The following GLB1L variants were observed in gnomAD, a reference collection of about 807,000 sequenced individuals.
GLB1L encodes beta-galactosidase-1-like protein.
GLB1L carries 58 observed loss-of-function variants against 75.7 expected under a neutral mutation model. That is an observed-to-expected ratio of 0.77 (90% CI 0.62 to 0.95). The LOEUF is 0.95. GLB1L is among the 40% of genes least tolerant of loss of function. The pLI, the probability that GLB1L is intolerant of heterozygous loss-of-function variation, is 0.00. For synonymous variants in GLB1L, 296 were observed against 303.0 expected, an observed-to-expected ratio of 0.98 and a Z score of 0.24; for missense variants, 797 against 805.5, an observed-to-expected ratio of 0.99 and a Z score of 0.13.
chr2:219,242,281 G>A lies in GLB1L; in HGVS notation c.451+233C>T, dbSNP rs533599347. 4.6e-5 allele frequency among the ~76,000 whole-genome samples: 5 copies of A among 107,808 alleles called. No individual in the cohort carries two copies. In the South Asian group the frequency reaches 1.6e-3, roughly 35 times the overall value. 70.7% of individuals were successfully genotyped at this position (107,808 alleles called of 152,430 possible). ...TGGGATCACAGGCATGAGCCACCGCGCCCAGCTGTTTTTTTTTTTTTTAAT... is the reference window on the plus strand; with the variant it reads ...TGGGATCACAGGCATGAGCCACCGCACCCAGCTGTTTTTTTTTTTTTTAAT... On this transcript the variant is annotated intron_variant, in intron 5 of 16. Transcript: ENST00000295759.
chr2:219,243,126 G>T, intron 3 of GLB1L, 22 bp downstream of exon 3: 2 of 1,583,080 alleles, frequency 1.3e-6, no homozygotes, highest in Non-Finnish European at 8.6e-7. Context: ...ATCCCTCCGC[G>T]GCTCTTGCGA....
chr2:219,238,033 G>A (rs1951293607), intron 14 of GLB1L, 76 bp from the exon 15 acceptor site: 4 of 1,455,836 alleles, frequency 2.7e-6, no homozygotes, highest in Admixed American at 1.8e-5. Context: ...CACACATTAG[G>A]ATACTTATTT....
Position 219,239,108 on chromosome 2 carries a change from C to T in GLB1L, c.1046G>A (p.Arg349Gln), listed in dbSNP as rs755869238. 18 of 1,610,402 alleles carry T rather than the reference C, an allele frequency of 1.1e-5. No homozygotes were observed. Among genetic ancestry groups the T allele is most frequent in the South Asian group, 4.4e-5 (4 of 90,970 alleles). ...GDPTPKLFAL[R>Q]DVISKFQEVP... ...GTAGGGTACCTTGCTGATGACATCTCGAAGAGCAAAAAGCTTAGGTGTGGG... is the reference window on the plus strand; with the variant it reads ...GTAGGGTACCTTGCTGATGACATCTTGAAGAGCAAAAAGCTTAGGTGTGGG... The change falls in exon 11 of 17, where the codon CGA becomes CAA. Residue 349 changes from arginine (R) to glutamine (Q), a missense_variant. By Grantham distance (43) the Arg-to-Gln change is conservative (BLOSUM62 1). Coordinates refer to ENST00000295759, the MANE Select transcript of GLB1L (RefSeq NM_001286423.2).
rs757615436 is a variant in GLB1L at position 219,237,054 on chromosome 2, C to T, written c.*18G>A. 43 of 1,576,830 alleles carry T rather than the reference C, an allele frequency of 2.7e-5. 1 individual carries two copies. The Admixed American group carries it at 5.7e-4, about 21-fold the overall frequency. ...GTGCTGGGATTACAGGCATGAGCCACCATGCCCGGCCTACCTTTCAGTGCC... is the reference window on the plus strand; with the variant it reads ...GTGCTGGGATTACAGGCATGAGCCATCATGCCCGGCCTACCTTTCAGTGCC... On this transcript the variant is annotated 3_prime_UTR_variant, in exon 17 of 17. Coordinates refer to ENST00000295759, the MANE Select transcript of GLB1L (RefSeq NM_001286423.2).
intron 1 of GLB1L, 193 bp from the exon 2 acceptor site, chr2:219,243,836 A>G (rs959635079): frequency 2.3e-6 from 1 of 435,596 alleles, no homozygotes; most frequent in African/African-American, 2.0e-5. Flanking sequence ...GCTGGGCACG[A>G]TGGCTCACGC....
intron 8 of GLB1L, 22 bp from the exon 9 acceptor site, chr2:219,239,704 G>A: frequency 6.2e-7 from 1 of 1,614,226 alleles, no homozygotes; most frequent in Middle Eastern, 1.6e-4. Flanking sequence ...AATGAAAGGA[G>A]TGTGAGTGAG....
Position 219,238,601 on chromosome 2 carries a change from G to A in GLB1L, c.1138-17C>T. On this transcript the variant is annotated splice_polypyrimidine_tract_variant and intron_variant, in intron 12 of 16. Coordinates refer to ENST00000295759, the MANE Select transcript of GLB1L (RefSeq NM_001286423.2). ...ATGCCCAACCTATTAGAATAAGGGA[G>A]AAGAATTAGAATATCAGGGAAGTTT... 5.6e-6 allele frequency: 9 copies of A among 1,608,192 alleles called. No homozygotes were observed. The highest frequency in any genetic ancestry group is 7.7e-6 in the Non-Finnish European group (9 of 1,175,144).
intron 16 of GLB1L, 26 bp from the exon 17 acceptor site, chr2:219,237,373 G>A (rs1269968629): frequency 2.5e-6 from 4 of 1,607,538 alleles, no homozygotes; most frequent in Non-Finnish European, 3.4e-6. Flanking sequence ...CAGGAAAGAG[G>A]GGAAAAGAAA....
intron 5 of GLB1L, among the ~76,000 whole-genome samples, chr2:219,241,465 T>TATATATATATACAC (rs1457421471): frequency 5.1e-5 from 7 of 136,514 alleles, no homozygotes; most frequent in Admixed American, 3.3e-4. Context: ...TATATATATA[T>TATATATATATACAC]ACATACATAT....
rs1387423574 is a variant in GLB1L, at chr2:219,239,702, G to C, written c.781-20C>G. The C allele has an allele frequency of 6.2e-7, 1 of 1,614,176 alleles. No homozygotes were observed. Reference sequence around the variant, plus strand: ...GTTTACCTAGAGTGTGAAATGAAAGGAGTGTGAGTGAGATGGAACTGAGCT... The same window carrying C: ...GTTTACCTAGAGTGTGAAATGAAAGCAGTGTGAGTGAGATGGAACTGAGCT... On this transcript the variant is annotated intron_variant, in intron 8 of 16. Coordinates refer to ENST00000295759, the MANE Select transcript of GLB1L (RefSeq NM_001286423.2).
At chr2:219,241,322 T>A (rs1436356389) in intron 5 of GLB1L, among the ~76,000 whole-genome samples, 12 of 150,936 alleles carry the variant, frequency 8.0e-5, no homozygotes, top group Admixed American at 7.9e-4. Context: ...GAGCTTGCAG[T>A]GAGCCGAGAT....
rs371604763 is a variant in GLB1L at position 219,242,476 on chromosome 2, T to C, written c.451+38A>G. 143 of 1,499,084 alleles carry C rather than the reference T, an allele frequency of 9.5e-5. 1 individual carries two copies. The African/African-American group carries it at 1.5e-3, about 16-fold the overall frequency. The allele number at this position is 1,499,084 out of a possible 1,614,324, so 92.9% of individuals were successfully genotyped here. On this transcript the variant is annotated intron_variant, in intron 5 of 16. Transcript: ENST00000295759. ...TTGGCACCCAAATAGCCCATTTTAC[T>C]TACTTGCTTCTGTGTTAAATCCTTT...
rs1434066360 is a variant in GLB1L, at chr2:219,241,436, GTGTGTGTA to G, written c.451+1070_451+1077del. 2.0e-4 allele frequency among the ~76,000 whole-genome samples: 17 copies of G among 84,314 alleles called. No individual in the cohort carries two copies. The South Asian group carries it at 3.4e-3, about 17-fold the overall frequency. 55.3% of individuals were successfully genotyped at this position (84,314 alleles called of 152,430 possible). ...TATGTGTGTGTGTGTGTGTGTGTGT[GTGTGTGTA>G]TATATATATATATATATATATACAT... On this transcript the variant is annotated intron_variant, in intron 5 of 16. Coordinates refer to ENST00000295759, the MANE Select transcript of GLB1L (RefSeq NM_001286423.2).
At position 219,237,958 on chromosome 2, in the gene GLB1L, C is replaced by T. The variant is rs1383035082; in HGVS notation, c.1342-1G>A. The T allele has an allele frequency of 6.2e-7, 1 of 1,614,094 alleles. No homozygotes were observed. The highest frequency in any genetic ancestry group is 2.2e-5 in the East Asian group (1 of 44,884). On this transcript the variant is annotated splice_acceptor_variant, in intron 14 of 16. Coordinates refer to ENST00000295759, the MANE Select transcript of GLB1L (RefSeq NM_001286423.2). LOFTEE classifies it high-confidence loss of function. Reference sequence around the variant, plus strand: ...TTCGCTCCACAACACCCTGGAACACCTGTGGATAGGAGATAGGATAGGAGC... The same window carrying T: ...TTCGCTCCACAACACCCTGGAACACTTGTGGATAGGAGATAGGATAGGAGC...
Position 219,238,376 on chromosome 2 carries a change from G to A in GLB1L, c.1228-13C>T, listed in dbSNP as rs777426165. ...TGAAGCCATGGTCCTGGGTATGGAA[G>A]AATGAGTACTTCAGACAAACAGAAA... On this transcript the variant is annotated splice_polypyrimidine_tract_variant and intron_variant, in intron 13 of 16. Transcript: ENST00000295759. 1.3e-6 allele frequency: 2 copies of A among 1,581,456 alleles called. No homozygotes were observed. Among genetic ancestry groups the A allele is most frequent in the Admixed American group, 1.7e-5 (1 of 57,378 alleles).
chr2:219,244,995 G>C (rs570195768), intron 1 of GLB1L, among the ~76,000 whole-genome samples: 30 of 152,304 alleles, frequency 2.0e-4, no homozygotes, highest in African/African-American at 7.0e-4. Flanking sequence ...ACTTGCCCGA[G>C]GTTACACAGC....
At position 219,237,556 on chromosome 2, in the gene GLB1L, C is replaced by T. The variant is rs1321105714; in HGVS notation, c.1645G>A (p.Gly549Ser). 1.9e-6 allele frequency: 3 copies of T among 1,614,064 alleles called. No individual in the cohort carries two copies. Among genetic ancestry groups the T allele is most frequent in the Admixed American group, 1.7e-5 (1 of 60,010 alleles). Residue 549 changes from glycine to serine, a missense_variant, in exon 16 of 17, where the codon GGC becomes AGC. By Grantham distance (56) the Gly-to-Ser change is moderately conservative. Coordinates refer to ENST00000295759, the MANE Select transcript of GLB1L (RefSeq NM_001286423.2). Reference sequence around the variant, plus strand: ...TATAGAAATGTGTCCCCAACTGAGCCTAAAATTGGAAATGTTTTGGAGTAG... The same window carrying T: ...TATAGAAATGTGTCCCCAACTGAGCTTAAAATTGGAAATGTTTTGGAGTAG... The part of the protein sequence containing the change: ...TFYSKTFPIL[G>S]SVGDTFLYLP...
Position 219,243,602 on chromosome 2 carries a change from A to G in GLB1L, c.-29T>C. On this transcript the variant is annotated 5_prime_UTR_variant, in exon 2 of 17. Coordinates refer to ENST00000295759, the MANE Select transcript of GLB1L (RefSeq NM_001286423.2). ...GTTTACAGCGCTCCTCTAGTCTGAG[A>G]CGGCGGACAGACCGTCACGTGTCGG... 6.2e-7 allele frequency: 1 copy of G among 1,610,904 alleles called. No homozygotes were observed. The highest frequency in any genetic ancestry group is 8.5e-7 in the Non-Finnish European group (1 of 1,177,250).
chr2:219,237,780 T>C lies in GLB1L; in HGVS notation c.1473+46A>G, dbSNP rs111453996. ...CATTCACTAAGCTTTGAAGCTAAGT[T>C]ATCCTTAATCAAGCCCTGGGATATA... On this transcript the variant is annotated intron_variant, in intron 15 of 16. Transcript: ENST00000295759. 21 of 1,613,058 alleles carry C rather than the reference T, an allele frequency of 1.3e-5. No individual in the cohort carries two copies. The African/African-American group carries it at 2.4e-4, about 18-fold the overall frequency.
Sources: allele counts gnomAD v4.1 joint callset (sites outside exome capture counted in the v4.1 genomes callset), GRCh38; gene constraint gnomAD v4.1.1; transcripts MANE v1.5; gene names NCBI Gene and HGNC (gene_info 2026-07-23, HGNC 2026-07-21).